CYP19A1: variants seen among roughly 807,000 people sequenced by gnomAD.
The protein encoded by CYP19A1 is cytochrome P450 family 19 subfamily A member 1, also known as aromatase.
CYP19A1 carries 32 observed loss-of-function variants against 44.4 expected under a neutral mutation model. The ratio of observed to expected loss-of-function variants is 0.72; its 90% CI spans 0.54 to 0.97. The LOEUF (loss-of-function observed/expected upper bound fraction) is 0.97, where lower values mean the gene tolerates loss of function less well. Among genes scored for constraint, CYP19A1 ranks in the 50% least tolerant of loss-of-function variants. The pLI is 0.00. For synonymous variants in CYP19A1, 212 were observed against 215.6 expected (o/e 0.98, Z 0.14); for missense variants, 598 against 637.8 (o/e 0.94, Z 0.67).
intron 1 of CYP19A1, among the ~76,000 whole-genome samples, chr15:51,299,314 C>T (rs1375440081): frequency 6.6e-6 from 1 of 152,204 alleles, no homozygotes; most frequent in Non-Finnish European, 1.5e-5. Flanking sequence ...GATGTTTTGG[C>T]CTTCTGGTCC....
chr15:51,228,555 T>G (rs1247472784), intron 3 of CYP19A1, among the ~76,000 whole-genome samples: 1 of 152,200 alleles, frequency 6.6e-6, no homozygotes, highest in African/African-American at 2.4e-5. Flanking sequence ...CTGGCTGGAC[T>G]GGCATGCAAA....
chr15:51,221,972 T>G, intron 5 of CYP19A1: 1 of 346,718 alleles, frequency 2.9e-6, no homozygotes, highest in Non-Finnish European at 5.3e-6. Flanking sequence ...TATGTATGTA[T>G]ATATGTATGT....
intron 1 of CYP19A1, among the ~76,000 whole-genome samples, chr15:51,247,061 TG>T (rs1341488380): frequency 1.3e-5 from 2 of 152,206 alleles, no homozygotes; most frequent in South Asian, 2.1e-4. Flanking sequence ...TCTCATTCTG[TG>T]GCGTTGGACC....
chr15:51,272,396 G>C (rs546597868), intron 1 of CYP19A1, among the ~76,000 whole-genome samples: 1 of 152,274 alleles, frequency 6.6e-6, no homozygotes, highest in East Asian at 1.9e-4. Context: ...ATCTAGACCA[G>C]TGCCAGGTAC....
At position 51,212,323 on chromosome 15, in the gene CYP19A1, C is replaced by T. The variant is rs376525463; in HGVS notation, c.1260G>A (p.Lys420=). ...AGTTTTAAGGAAGGGCTCTTACATTCTTTGCAAAATTTTCAAGAGTAAATT... is the reference window on the plus strand; with the variant it reads ...AGTTTTAAGGAAGGGCTCTTACATTTTTTGCAAAATTTTCAAGAGTAAATT... ...PNEFTLENFA[K]NVPYRYFQPF... The change falls in exon 9 of 10, where the codon AAG becomes AAA. Residue 420 remains lysine (K), a synonymous_variant. Transcript: ENST00000396402. 2 of 1,598,184 alleles carry T rather than the reference C, an allele frequency of 1.3e-6. No homozygotes were observed. The highest frequency in any genetic ancestry group is 1.7e-5 in the Admixed American group (1 of 60,006).
Position 51,212,441 on chromosome 15 carries a change from T to A in CYP19A1, c.1142A>T (p.Asp381Val), listed in dbSNP as rs773015145. ...DLVMRKALED[D>V]VIDGYPVKKG... ...TTTCACTGGGTAGCCATCGATTACA[T>A]CATCTTCTAAGGCTTTGCGCATGAC... is the stretch of plus-strand genomic sequence containing the variant. Residue 381 changes from aspartate (D) to valine (V), a missense_variant, in exon 9 of 10, where the codon GAT becomes GTT. Coordinates refer to ENST00000396402, the MANE Select transcript of CYP19A1 (RefSeq NM_000103.4). 1.2e-6 allele frequency: 2 copies of A among 1,610,498 alleles called. No homozygotes were observed. Among genetic ancestry groups the A allele is most frequent in the South Asian group, 2.2e-5 (2 of 91,016 alleles).
intron 1 of CYP19A1, among the ~76,000 whole-genome samples, chr15:51,283,471 C>T (rs889060906): frequency 3.9e-5 from 6 of 152,166 alleles, no homozygotes; most frequent in Non-Finnish European, 8.8e-5. Flanking sequence ...GGAAGGAATT[C>T]AAGCAAGCCA....
chr15:51,298,601 C>T (rs2036047473), intron 1 of CYP19A1, among the ~76,000 whole-genome samples: 1 of 152,096 alleles, frequency 6.6e-6, no homozygotes, highest in Admixed American at 6.5e-5. Flanking sequence ...TCTAGCTTGG[C>T]CATTTTTAGG....
intron 1 of CYP19A1, among the ~76,000 whole-genome samples, chr15:51,309,577 G>C (rs1383094464): frequency 2.0e-5 from 3 of 152,208 alleles, no homozygotes; most frequent in Non-Finnish European, 4.4e-5. Flanking sequence ...TCTATGTTTA[G>C]TAGGCAAGAA....
At chr15:51,320,296 C>T (rs1159116953) in intron 1 of CYP19A1, 2 of 152,476 alleles carry the variant, frequency 1.3e-5, no homozygotes, top group African/African-American at 4.8e-5. Context: ...GGAAAACCAG[C>T]CAAGCTCCTC....
intron 3 of CYP19A1, 38 bp downstream of exon 3, chr15:51,236,821 G>A (rs367886766): frequency 1.2e-5 from 20 of 1,612,550 alleles, no homozygotes; most frequent in East Asian, 2.2e-5. Context: ...CTCCAGCCTC[G>A]ATTTAAAAAG....
chr15:51,304,671 T>C (rs745455600), intron 1 of CYP19A1, among the ~76,000 whole-genome samples: 3 of 152,240 alleles, frequency 2.0e-5, no homozygotes, highest in Non-Finnish European at 4.4e-5. Flanking sequence ...AAGTTATTCT[T>C]AGAAAGTCTT....
At position 51,236,898 on chromosome 15, in the gene CYP19A1, C is replaced by T. The variant is rs749988131; in HGVS notation, c.257G>A (p.Arg86Gln). The T allele has an allele frequency of 3.1e-6, 5 of 1,614,074 alleles. No homozygotes were observed. The highest frequency in any genetic ancestry group is 2.2e-5 in the South Asian group (2 of 91,090). Residue 86 changes from arginine to glutamine, a missense_variant, in exon 3 of 10, where the codon CGA becomes CAA. Transcript: ENST00000396402. The stretch of plus-strand genomic sequence containing the variant: ...TGTTTCCTCTCCAGAGATCCAGACT[C>T]GCATGAATTCTCCATATACCCGGTT... ...YYNRVYGEFM[R>Q]VWISGEETLI...
intron 1 of CYP19A1, among the ~76,000 whole-genome samples, chr15:51,332,924 A>T (rs1303851184): frequency 1.3e-5 from 2 of 152,080 alleles, no homozygotes; most frequent in Non-Finnish European, 2.9e-5. Context: ...GAATTTCTCA[A>T]CCTATGAATC....
intron 1 of CYP19A1, among the ~76,000 whole-genome samples, chr15:51,299,785 G>A (rs1030705065): frequency 3.3e-5 from 5 of 152,188 alleles, no homozygotes; most frequent in Non-Finnish European, 7.3e-5. Context: ...GGGGAGATAA[G>A]ACCTTTGCTA....
chr15:51,285,342 T>C (rs956396693), intron 1 of CYP19A1, among the ~76,000 whole-genome samples: 1 of 152,208 alleles, frequency 6.6e-6, no homozygotes, highest in African/African-American at 2.4e-5. Context: ...CTAAGAACAA[T>C]GAAGTTGGAT....
chr15:51,243,875 T>C (rs1220066080), intron 1 of CYP19A1, among the ~76,000 whole-genome samples: 2 of 152,258 alleles, frequency 1.3e-5, no homozygotes, highest in East Asian at 3.8e-4. Context: ...ATCCCTTTAC[T>C]CTCAGAACAG....
In CYP19A1 at chr15:51,290,597, G is replaced by C. The variant is rs542073965; in HGVS notation, c.-38-47647C>G. On this transcript the variant is annotated intron_variant, in intron 1 of 9. Transcript: ENST00000396402. ...AGGACCTGGCACTTTGTATGGAAAG[G>C]GGTAAGTGTAGGGAGGTGTGTCAAA... is the stretch of plus-strand genomic sequence containing the variant. 5.4e-4 allele frequency among the ~76,000 whole-genome samples: 82 copies of C among 152,292 alleles called. 1 individual carries two copies. The South Asian group carries it at 0.017, about 31-fold the overall frequency.
At chr15:51,294,842 CG>C (rs1036810358) in intron 1 of CYP19A1, among the ~76,000 whole-genome samples, 3 of 151,916 alleles carry the variant, frequency 2.0e-5, no homozygotes, top group Admixed American at 2.0e-4. Context: ...TCATTGAGAA[CG>C]GGCCATGATG....
Sources: allele counts gnomAD v4.1 joint callset (sites outside exome capture counted in the v4.1 genomes callset), GRCh38; gene constraint gnomAD v4.1.1; transcripts MANE v1.5; gene names NCBI Gene and HGNC (gene_info 2026-07-23, HGNC 2026-07-21).